TRIP4: variants seen among roughly 807,000 people sequenced by gnomAD.
TRIP4 encodes thyroid hormone receptor interactor 4.
Under a neutral mutation model 81.8 loss-of-function variants are expected in TRIP4, and 54 were observed. The ratio of observed to expected loss-of-function variants is 0.66; its 90% CI spans 0.53 to 0.83. The LOEUF (loss-of-function observed/expected upper bound fraction) is 0.83, where lower values mean the gene tolerates loss of function less well. Among genes scored for constraint, TRIP4 ranks in the 40% least tolerant of loss-of-function variants. The pLI is 0.00. For missense variants in TRIP4, 662 were observed against 683.6 expected, an observed-to-expected ratio of 0.97 and a Z score of 0.35; for synonymous variants, 270 against 242.8, an observed-to-expected ratio of 1.11 and a Z score of -1.04.
chr15:64,441,531 T>C (rs1377320815), intron 11 of TRIP4, among the ~76,000 whole-genome samples: 2 of 150,716 alleles, frequency 1.3e-5, no homozygotes, highest in Non-Finnish European at 3.0e-5. Flanking sequence ...CCCAGCACTT[T>C]GGAAGGCCGA....
At chr15:64,451,195 C>T (rs1480242468) in intron 12 of TRIP4, among the ~76,000 whole-genome samples, 1 of 152,108 alleles carries the variant, frequency 6.6e-6, no homozygotes, top group Non-Finnish European at 1.5e-5. Flanking sequence ...TCACTGCAAC[C>T]TCTGCCTCCT....
chr15:64,393,967 T>C lies in TRIP4; in HGVS notation c.123T>C (p.Ser41=), dbSNP rs781034159. ...EIIQYVLSIE[S]AEEIREYVTD... ...TGAGGTACGTTTTGTCAATTGAGAG[T>C]GCTGAAGAGATACGAGAATATGTTA... Residue 41 remains serine, a synonymous_variant, in exon 2 of 13, where the codon AGT becomes AGC. Coordinates refer to ENST00000261884, the MANE Select transcript of TRIP4 (RefSeq NM_016213.5). 2 of 1,601,638 alleles carry C rather than the reference T, an allele frequency of 1.2e-6. No individual in the cohort carries two copies. The highest frequency in any genetic ancestry group is 1.7e-6 in the Non-Finnish European group (2 of 1,175,184).
At chr15:64,415,481 T>C (rs1338992744) in intron 8 of TRIP4, among the ~76,000 whole-genome samples, 1 of 152,236 alleles carries the variant, frequency 6.6e-6, no homozygotes, top group African/African-American at 2.4e-5. Context: ...ACATTCCCTC[T>C]GAAGGCTTTA....
intron 7 of TRIP4, 130 bp downstream of exon 7, chr15:64,409,958 A>G (rs1891722078): frequency 1.2e-6 from 1 of 803,238 alleles, no homozygotes; most frequent in South Asian, 1.9e-5. Context: ...AAACATGTTA[A>G]GAATAGCTAA....
chr15:64,403,661 ATTCATAATTGTT>A, intron 5 of TRIP4, among the ~76,000 whole-genome samples: 1 of 152,234 alleles, frequency 6.6e-6, no homozygotes, highest in African/African-American at 2.4e-5. Flanking sequence ...CTTGCTATAT[ATTCATAATTGTT>A]TTTAGTAGCT....
intron 9 of TRIP4, among the ~76,000 whole-genome samples, chr15:64,421,617 T>G (rs543613523): frequency 3.3e-5 from 5 of 152,074 alleles, no homozygotes; most frequent in Admixed American, 2.6e-4. Context: ...ATTACAGACA[T>G]GAGCCACCAT....
chr15:64,430,986 TAAAA>T (rs953434271), intron 11 of TRIP4, among the ~76,000 whole-genome samples: 2 of 148,404 alleles, frequency 1.3e-5, no homozygotes, highest in East Asian at 3.9e-4. Flanking sequence ...TTTAAAACTT[TAAAA>T]AAAAAAGAGT....
intron 11 of TRIP4, among the ~76,000 whole-genome samples, chr15:64,444,244 A>C (rs746153616): frequency 6.6e-6 from 1 of 152,210 alleles, no homozygotes; most frequent in Non-Finnish European, 1.5e-5. Flanking sequence ...AAGACATAGT[A>C]AGATAGGAAA....
chr15:64,410,496 A>G (rs1891738044), intron 7 of TRIP4, among the ~76,000 whole-genome samples: 1 of 152,210 alleles, frequency 6.6e-6, no homozygotes, highest in African/African-American at 2.4e-5. Context: ...TAATTGCTAA[A>G]GCAATAATTA....
intron 8 of TRIP4, among the ~76,000 whole-genome samples, chr15:64,417,659 G>A (rs1891917630): frequency 6.6e-6 from 1 of 152,100 alleles, no homozygotes; most frequent in Non-Finnish European, 1.5e-5. Flanking sequence ...TATGATGGGA[G>A]CCCTGTTTTA....
intron 1 of TRIP4, chr15:64,393,326 GTT>G (rs1555408702): frequency 2.6e-5 from 3 of 114,394 alleles, no homozygotes; most frequent in African/African-American, 5.7e-5. Context: ...ATTTTTTTTT[GTT>G]TTTTTTTTTT....
intron 7 of TRIP4, among the ~76,000 whole-genome samples, chr15:64,410,321 C>T (rs1891733004): frequency 6.6e-6 from 1 of 151,578 alleles, no homozygotes; most frequent in African/African-American, 2.4e-5. Context: ...TCACCATGCT[C>T]AGCAAAAAAA....
At chr15:64,423,225 T>C (rs1892058122) in intron 9 of TRIP4, among the ~76,000 whole-genome samples, 1 of 151,956 alleles carries the variant, frequency 6.6e-6, no homozygotes, top group African/African-American at 2.4e-5. Context: ...TCCCAGCACT[T>C]TGGGAGGCCG....
At chr15:64,452,605 T>A (rs1892796070) in intron 12 of TRIP4, among the ~76,000 whole-genome samples, 1 of 152,188 alleles carries the variant, frequency 6.6e-6, no homozygotes, top group Non-Finnish European at 1.5e-5. Context: ...TAATTCTGTG[T>A]GTTAGTAAGG....
intron 1 of TRIP4, among the ~76,000 whole-genome samples, chr15:64,391,911 C>T (rs151210303): frequency 0.014 from 1,825 of 132,322 alleles, 31 homozygotes; most frequent in African/African-American, 0.051. Flanking sequence ...CCAGAGGTTG[C>T]AGTGAGCCAA....
At chr15:64,400,607 G>GT (rs1401974859) in intron 4 of TRIP4, 136 bp from the exon 5 acceptor site, 7 of 636,250 alleles carry the variant, frequency 1.1e-5, no homozygotes, top group Admixed American at 5.9e-5. Flanking sequence ...ATTTTGGTGT[G>GT]TTTGGATTAA....
chr15:64,454,408 G>T (rs1160895852), intron 12 of TRIP4, among the ~76,000 whole-genome samples: 1 of 152,114 alleles, frequency 6.6e-6, no homozygotes, highest in Admixed American at 6.6e-5. Context: ...GGATGGGAAG[G>T]TTGCTTGTTT....
intron 1 of TRIP4, chr15:64,393,549 A>G (rs1042676498): frequency 2.0e-5 from 3 of 152,700 alleles, no homozygotes; most frequent in Non-Finnish European, 2.9e-5. Context: ...TCAGAAAAGG[A>G]TAAAAAAGTA....
intron 12 of TRIP4, among the ~76,000 whole-genome samples, chr15:64,454,542 CT>C (rs1892843260): frequency 6.6e-6 from 1 of 152,148 alleles, no homozygotes; most frequent in South Asian, 2.1e-4. Flanking sequence ...GTCACTCCCC[CT>C]ATTAAGTCTG....
Sources: allele counts gnomAD v4.1 joint callset (sites outside exome capture counted in the v4.1 genomes callset), GRCh38; gene constraint gnomAD v4.1.1; transcripts MANE v1.5; gene names NCBI Gene and HGNC (gene_info 2026-07-23, HGNC 2026-07-21).